ATP2C2: variants seen among roughly 807,000 people sequenced by gnomAD.
ATP2C2 encodes the protein calcium-transporting ATPase type 2C member 2.
Under a neutral mutation model 110.8 loss-of-function variants are expected in ATP2C2, and 171 were observed. That is an observed-to-expected ratio of 1.54 (90% CI 1.36 to 1.75). The LOEUF is 1.75. Among genes scored for constraint, ATP2C2 ranks in the 40% most tolerant of loss-of-function variants. The probability of loss-of-function intolerance (pLI) is 0.00; values close to 1 mark genes in which losing one functional copy is unlikely to be tolerated. For synonymous variants in ATP2C2, 804 were observed against 508.4 expected (o/e 1.58, Z -7.82); for missense variants, 1,963 against 1,235.0 (o/e 1.59, Z -8.84).
chr16:84,462,198 G>C, intron 26 of ATP2C2, 69 bp downstream of exon 26: 1 of 1,563,486 alleles, frequency 6.4e-7, no homozygotes, highest in South Asian at 1.2e-5. Flanking sequence ...CTGCCAGGTG[G>C]GGAGCTGCAG....
At chr16:84,460,123 G>T (rs958067762) in intron 23 of ATP2C2, 2 of 203,284 alleles carry the variant, frequency 9.8e-6, no homozygotes, top group Non-Finnish European at 2.0e-5. Context: ...AAGTGTGAGG[G>T]TTACCTCTCC....
At chr16:84,459,452 G>A (rs1911042082) in intron 23 of ATP2C2, 66 bp downstream of exon 23, 7 of 1,602,886 alleles carry the variant, frequency 4.4e-6, no homozygotes, top group Non-Finnish European at 5.1e-6. Context: ...TCCAGGGGCT[G>A]CTGGCTGTGC....
chr16:84,431,101 C>G (rs1354012140), intron 11 of ATP2C2, among the ~76,000 whole-genome samples: 1 of 151,894 alleles, frequency 6.6e-6, no homozygotes, highest in Non-Finnish European at 1.5e-5. Context: ...AGTTTTCTGG[C>G]TGGGGAAAAA....
Position 84,437,003 on chromosome 16 carries a change from C to T in ATP2C2, c.987-2163C>T, listed in dbSNP as rs191757093. Among the ~76,000 whole-genome samples the T allele has an allele frequency of 4.3e-3, 650 of 152,092 alleles. 2 individuals carry two copies. Among genetic ancestry groups the T allele is most frequent in the South Asian group, 0.013 (64 of 4,806 alleles). On this transcript the variant is annotated intron_variant, in intron 11 of 26. Coordinates refer to ENST00000262429, the MANE Select transcript of ATP2C2 (RefSeq NM_014861.4). ...TGTCGAACTCCCGACCTCAGGTGAT[C>T]GAGGCGCCTCAGCCTCCCAAAGTGC... is the stretch of plus-strand genomic sequence containing the variant.
At chr16:84,442,476 A>G in intron 14 of ATP2C2, 34 bp from the exon 15 acceptor site, 1 of 1,607,582 alleles carries the variant, frequency 6.2e-7, no homozygotes, top group Non-Finnish European at 8.5e-7. Context: ...TGAGCCCAGT[A>G]CTAACTACAG....
At position 84,440,875 on chromosome 16, in the gene ATP2C2, G is replaced by A. The variant is rs529888825; in HGVS notation, c.1228G>A (p.Asp410Asn). Residue 410 changes from aspartate (D) to asparagine (N), a missense_variant, in exon 14 of 27, where the codon GAC (aspartate) becomes AAC (asparagine). Transcript: ENST00000262429. ...LRAEVSGVGY[D>N]GQGTVCLLPS... The stretch of plus-strand genomic sequence containing the variant: ...CCTGCAGGTCAGCGGAGTTGGGTAT[G>A]ACGGTCAAGGGACTGTGTGTCTTCT... The A allele has an allele frequency of 4.3e-5, 69 of 1,613,434 alleles. No individual in the cohort carries two copies. In the South Asian group the frequency reaches 7.4e-4, roughly 17 times the overall value.
chr16:84,414,634 C>T (rs1282443395), intron 6 of ATP2C2, among the ~76,000 whole-genome samples: 1 of 152,140 alleles, frequency 6.6e-6, no homozygotes, highest in Non-Finnish European at 1.5e-5. Flanking sequence ...GAGCACGTGG[C>T]TGTGGGGAGA....
intron 1 of ATP2C2, among the ~76,000 whole-genome samples, chr16:84,390,189 C>G (rs542158757): frequency 6.6e-6 from 1 of 152,238 alleles, no homozygotes; most frequent in Non-Finnish European, 1.5e-5. Flanking sequence ...TAGGGTCTAA[C>G]GCAGTCCAAG....
At chr16:84,399,396 C>G (rs79539055) in intron 2 of ATP2C2, among the ~76,000 whole-genome samples, 8,032 of 152,276 alleles carry the variant, frequency 0.053, 278 homozygotes, top group East Asian at 0.096. Context: ...TTTCACTATT[C>G]AAAAGAATCT....
chr16:84,386,325 A>C (rs758584482), intron 1 of ATP2C2, among the ~76,000 whole-genome samples: 1 of 152,144 alleles, frequency 6.6e-6, no homozygotes, highest in Non-Finnish European at 1.5e-5. Flanking sequence ...ATCTCCATAT[A>C]TTCCAGTCCA....
intron 11 of ATP2C2, among the ~76,000 whole-genome samples, chr16:84,434,650 C>T (rs982923328): frequency 6.6e-6 from 1 of 151,778 alleles, no homozygotes; most frequent in African/African-American, 2.4e-5. Context: ...CCCCAAGTAG[C>T]TGGGACTACA....
rs146758051 is a variant in ATP2C2 at position 84,414,802 on chromosome 16, G to C, written c.516-681G>C. 2.0e-5 allele frequency among the ~76,000 whole-genome samples: 3 copies of C among 152,302 alleles called. No homozygotes were observed. The East Asian group carries it at 5.8e-4, about 29-fold the overall frequency. On this transcript the variant is annotated intron_variant, in intron 6 of 26. Transcript: ENST00000262429. ...GGGAGCTGCAGGAGGCTGGCTGGCC[G>C]TGGAGGAGATCTTTGAGTTTGGTAC... is the stretch of plus-strand genomic sequence containing the variant.
In ATP2C2 at chr16:84,410,008, A is replaced by T. The variant is rs189136529; in HGVS notation, c.418-560A>T. Among the ~76,000 whole-genome samples the T allele has an allele frequency of 5.9e-5, 9 of 152,196 alleles. No homozygotes were observed. The East Asian group carries it at 1.7e-3, about 29-fold the overall frequency. Reference sequence around the variant, plus strand: ...TGGATCACGAGGTCAGGAGATCGAGACCATCCTGGCCCACATGGTGAAAGC... The same window carrying T: ...TGGATCACGAGGTCAGGAGATCGAGTCCATCCTGGCCCACATGGTGAAAGC... On this transcript the variant is annotated intron_variant, in intron 4 of 26. Transcript: ENST00000262429.
chr16:84,436,768 T>TTG (rs1908777218), intron 11 of ATP2C2, among the ~76,000 whole-genome samples: 2 of 149,364 alleles, frequency 1.3e-5, no homozygotes, highest in East Asian at 3.9e-4. Flanking sequence ...AGGCTGTTTT[T>TTG]TTTTTTTTTT....
rs116830170 is a variant in ATP2C2 at position 84,423,313 on chromosome 16, C to T, written c.919+50C>T. 9.1e-4 allele frequency: 1,400 copies of T among 1,543,030 alleles called. 8 individuals are homozygous for T. The African/African-American group carries it at 0.016, about 17-fold the overall frequency. On this transcript the variant is annotated intron_variant, in intron 10 of 26. Transcript: ENST00000262429. The stretch of plus-strand genomic sequence containing the variant: ...GGTTTGTTCTGCAGATGGAGGGGAG[C>T]CATCATAGGGGGGTTGCCATGGCCG...
chr16:84,459,346 C>T lies in ATP2C2; in HGVS notation c.2293C>T (p.Leu765=). The change falls in exon 23 of 27, where the codon CTA becomes TTA. Residue 765 remains leucine, a synonymous_variant. Transcript: ENST00000262429. ...CAGCCCCCTCAACGCCATGCAGATCCTATGGATCAACATCATCATGGATGG... is the reference window on the plus strand; with the variant it reads ...CAGCCCCCTCAACGCCATGCAGATCTTATGGATCAACATCATCATGGATGG... The part of the protein sequence containing the change: ...LPSPLNAMQI[L]WINIIMDGPP... The T allele has an allele frequency of 1.2e-6, 2 of 1,614,214 alleles. No homozygotes were observed. The highest frequency in any genetic ancestry group is 1.1e-5 in the South Asian group (1 of 91,088).
Position 84,462,003 on chromosome 16 carries a change from G to C in ATP2C2, c.2596G>C (p.Glu866Gln), listed in dbSNP as rs746697881. 1 of 1,613,806 alleles carries C rather than the reference G, an allele frequency of 6.2e-7. No individual in the cohort carries two copies. The highest frequency in any genetic ancestry group is 8.5e-7 in the Non-Finnish European group (1 of 1,179,756). The change falls in exon 26 of 27, where the codon GAG becomes CAG. Residue 866 changes from glutamate (E) to glutamine (Q), a missense_variant. Physicochemically the swap from Glu to Gln is conservative, Grantham distance 29 (BLOSUM62 2). Transcript: ENST00000262429. ...CTCCCTGCAGACCAAGCTGATATTTGAGATCGGCTTTCTCAGGAACCACAT... is the reference window on the plus strand; with the variant it reads ...CTCCCTGCAGACCAAGCTGATATTTCAGATCGGCTTTCTCAGGAACCACAT... ...TCRSQTKLIF[E>Q]IGFLRNHMFL...
intron 15 of ATP2C2, among the ~76,000 whole-genome samples, chr16:84,444,275 C>G (rs547078794): frequency 1.8e-4 from 27 of 150,764 alleles, no homozygotes; most frequent in South Asian, 4.2e-4. Context: ...GAGTTCAAGA[C>G]CAGCCTGGCC....
chr16:84,425,760 G>A lies in ATP2C2; in HGVS notation c.945G>A (p.Ser315=), dbSNP rs1352805888. 1.1e-5 allele frequency: 18 copies of A among 1,614,118 alleles called. No individual in the cohort carries two copies. The highest frequency in any genetic ancestry group is 8.9e-5 in the East Asian group (4 of 44,880). ...IIGLIMLIGW[S]QGKQLLSMFT... ...GTCTCATCATGCTCATTGGCTGGTC[G>A]CAAGGGAAACAACTCCTGAGTATGT... Residue 315 remains serine (S), a synonymous_variant, in exon 11 of 27, where the codon TCG becomes TCA. Coordinates refer to ENST00000262429, the MANE Select transcript of ATP2C2 (RefSeq NM_014861.4).
Sources: allele counts gnomAD v4.1 joint callset (sites outside exome capture counted in the v4.1 genomes callset), GRCh38; gene constraint gnomAD v4.1.1; transcripts MANE v1.5; gene names NCBI Gene and HGNC (gene_info 2026-07-23, HGNC 2026-07-21).